The following ADAM23 variants were observed in gnomAD, a reference collection of about 807,000 sequenced individuals.
The protein encoded by ADAM23 is ADAM metallopeptidase domain 23, also known as disintegrin and metalloproteinase domain-containing protein 23.
Under a neutral mutation model 120.1 loss-of-function variants are expected in ADAM23, and 33 were observed. The ratio of observed to expected loss-of-function variants is 0.27; its 90% CI spans 0.21 to 0.37. ADAM23 has a LOEUF of 0.37. ADAM23 is among the 10% of genes least tolerant of loss of function. The pLI is 1.00. For synonymous variants in ADAM23, 367 were observed against 375.2 expected (o/e 0.98, Z 0.25); for missense variants, 862 against 1,058.2 (o/e 0.81, Z 2.57).
chr2:206,542,936 G>A (rs1489930706), intron 5 of ADAM23, among the ~76,000 whole-genome samples: 1 of 152,176 alleles, frequency 6.6e-6, no homozygotes, highest in Non-Finnish European at 1.5e-5. Context: ...TTTAGAGACT[G>A]CCACTGAGTG....
At chr2:206,467,536 C>T (rs1695564920) in intron 2 of ADAM23, among the ~76,000 whole-genome samples, 1 of 152,234 alleles carries the variant, frequency 6.6e-6, no homozygotes, top group Non-Finnish European at 1.5e-5. Context: ...AAGGCCTTGG[C>T]AGCCCTGCCC....
At chr2:206,451,326 G>C (rs1246111641) in intron 2 of ADAM23, among the ~76,000 whole-genome samples, 2 of 152,194 alleles carry the variant, frequency 1.3e-5, no homozygotes, top group African/African-American at 4.8e-5. Context: ...TGCAGTCTCT[G>C]CCTCTCGGGT....
chr2:206,481,448 T>G, intron 3 of ADAM23, 140 bp downstream of exon 3: 1 of 532,128 alleles, frequency 1.9e-6, no homozygotes, highest in East Asian at 3.5e-5. Context: ...AGTATAAAAT[T>G]CTGAATGGTG....
chr2:206,486,946 G>A (rs753930870), intron 3 of ADAM23, among the ~76,000 whole-genome samples: 1 of 152,032 alleles, frequency 6.6e-6, no homozygotes, highest in Non-Finnish European at 1.5e-5. Flanking sequence ...CCATGCATTC[G>A]CGTCCTGGAC....
Position 206,443,722 on chromosome 2 carries a change from CGCCCCGT to C in ADAM23, c.-138_-132del, listed in dbSNP as rs1308864826. ...GGGCGCCGCCCAGCCCCGAGCCCCG[CGCCCCGT>C]GCCCCGAGCCCGGAGCCCCCTGCCC... On this transcript the variant is annotated 5_prime_UTR_variant, in exon 1 of 26. Transcript: ENST00000264377. The C allele has an allele frequency of 4.3e-6, 1 of 234,278 alleles. No individual in the cohort carries two copies. The highest frequency in any genetic ancestry group is 6.9e-6 in the Non-Finnish European group (1 of 144,844). The allele number at this position is 234,278 out of a possible 1,614,324, so 14.5% of individuals were successfully genotyped here. A position where few individuals can be genotyped will look rare whatever the true frequency, so the allele number is the denominator to read the frequency against.
intron 24 of ADAM23, among the ~76,000 whole-genome samples, chr2:206,597,929 G>A (rs2105854014): frequency 6.6e-6 from 1 of 152,312 alleles, no homozygotes; most frequent in Non-Finnish European, 1.5e-5. Context: ...TTCAGTAATA[G>A]TGGGTGTGTT....
rs924135205 is a variant in ADAM23 at position 206,543,649 on chromosome 2, A to C, written c.720+333A>C. Among the ~76,000 whole-genome samples the C allele has an allele frequency of 1.3e-5, 2 of 152,166 alleles. 1 individual carries two copies. Among genetic ancestry groups the C allele is most frequent in the Admixed American group, 1.3e-4 (2 of 15,266 alleles). ...TCATAGAAGTCATTATATGAAAAAG[A>C]TACTTGCACACACACATTTATAGCA... is the stretch of plus-strand genomic sequence containing the variant. On this transcript the variant is annotated intron_variant, in intron 6 of 25. Transcript: ENST00000264377.
At chr2:206,582,235 G>A (rs1698233474) in intron 18 of ADAM23, among the ~76,000 whole-genome samples, 1 of 152,182 alleles carries the variant, frequency 6.6e-6, no homozygotes, top group Non-Finnish European at 1.5e-5. Context: ...AGTGTTAGGT[G>A]CATATATGTT....
chr2:206,568,222 C>A (rs1365083936), intron 15 of ADAM23, among the ~76,000 whole-genome samples: 2 of 152,082 alleles, frequency 1.3e-5, no homozygotes, highest in Non-Finnish European at 2.9e-5. Context: ...CATAAATACA[C>A]ATACGTGTTT....
intron 15 of ADAM23, among the ~76,000 whole-genome samples, chr2:206,568,786 G>A (rs1697938878): frequency 6.6e-6 from 1 of 152,174 alleles, no homozygotes; most frequent in East Asian, 1.9e-4. Context: ...TTTGCAAACT[G>A]AGAGAGCAGC....
chr2:206,588,987 TTTATAA>T (rs1292751555), intron 20 of ADAM23, among the ~76,000 whole-genome samples: 1 of 152,344 alleles, frequency 6.6e-6, no homozygotes, highest in African/African-American at 2.4e-5. Flanking sequence ...AGGCTACGAC[TTTATAA>T]TTATCTCCTA....
intron 9 of ADAM23, among the ~76,000 whole-genome samples, chr2:206,555,558 AAAG>A (rs1697626644): frequency 6.6e-6 from 1 of 152,200 alleles, no homozygotes; most frequent in Non-Finnish European, 1.5e-5. Flanking sequence ...ATTTTTCTAA[AAAG>A]AAAATCAGAG....
intron 15 of ADAM23, among the ~76,000 whole-genome samples, chr2:206,570,122 C>T (rs960487203): frequency 1.3e-5 from 2 of 151,460 alleles, no homozygotes; most frequent in African/African-American, 4.8e-5. Flanking sequence ...CTAGATTATT[C>T]TAGAAATTAT....
At chr2:206,503,245 G>T (rs1696427854) in intron 3 of ADAM23, among the ~76,000 whole-genome samples, 1 of 152,058 alleles carries the variant, frequency 6.6e-6, no homozygotes, top group African/African-American at 2.4e-5. Context: ...TTGTTTTTGG[G>T]ATGAACTAAA....
rs1314936763 is a variant in ADAM23, at chr2:206,613,016, T to C, written c.2450+3016T>C. ...TATTTGGTAGATTTTTAAAAAATAT[T>C]GTCACATATTGTGTAATGTTATGGG... On this transcript the variant is annotated intron_variant, in intron 25 of 25. Transcript: ENST00000264377. 1.2e-4 allele frequency among the ~76,000 whole-genome samples: 18 copies of C among 152,190 alleles called. 1 individual carries two copies. Among genetic ancestry groups the C allele is most frequent in the Admixed American group, 1.2e-3 (18 of 15,278 alleles).
intron 2 of ADAM23, among the ~76,000 whole-genome samples, chr2:206,453,612 ATTAAAT>A (rs2105852183): frequency 1.3e-5 from 2 of 152,334 alleles, no homozygotes; most frequent in African/African-American, 4.8e-5. Flanking sequence ...TATGATTTTA[ATTAAAT>A]TTAATGGTAG....
chr2:206,559,834 T>C, intron 10 of ADAM23, 121 bp from the exon 11 acceptor site: 1 of 768,118 alleles, frequency 1.3e-6, no homozygotes, highest in African/African-American at 1.7e-5. Context: ...TATAATGGGC[T>C]AATTATGACC....
intron 2 of ADAM23, among the ~76,000 whole-genome samples, chr2:206,452,769 A>G (rs887226526): frequency 4.6e-5 from 7 of 152,136 alleles, no homozygotes; most frequent in African/African-American, 9.7e-5. Context: ...TTTCTCAGCC[A>G]TGCCCCTCAG....
chr2:206,531,752 G>A (rs926205258), intron 4 of ADAM23, among the ~76,000 whole-genome samples: 23 of 152,198 alleles, frequency 1.5e-4, no homozygotes, highest in African/African-American at 5.5e-4. Flanking sequence ...AGGAAACAAA[G>A]TGGGGAAACC....
Sources: allele counts gnomAD v4.1 joint callset (sites outside exome capture counted in the v4.1 genomes callset), GRCh38; gene constraint gnomAD v4.1.1; transcripts MANE v1.5; gene names NCBI Gene and HGNC (gene_info 2026-07-23, HGNC 2026-07-21).